CSMD1: variants seen among roughly 807,000 people sequenced by gnomAD.
The protein encoded by CSMD1 is CUB and sushi domain-containing protein 1.
A neutral mutation model predicts 417.5 loss-of-function variants in CSMD1; 213 were observed. That is an observed-to-expected ratio of 0.51 (90% CI 0.46 to 0.57). The LOEUF (loss-of-function observed/expected upper bound fraction) is 0.57, where lower values mean the gene tolerates loss of function less well. CSMD1 is among the 20% of genes least tolerant of loss of function. The probability of loss-of-function intolerance (pLI) is 0.00; values close to 1 mark genes in which losing one functional copy is unlikely to be tolerated. For missense variants in CSMD1, 6,923 were observed against 4,529.7 expected (o/e 1.53, Z -15.17); for synonymous variants, 2,862 against 1,736.8 (o/e 1.65, Z -16.11).
intron 3 of CSMD1, among the ~76,000 whole-genome samples, chr8:4,236,757 T>C (rs1476185279): frequency 1.3e-5 from 2 of 152,300 alleles, no homozygotes; most frequent in Non-Finnish European, 1.5e-5. Flanking sequence ...AAATGGCTTA[T>C]CTCAATACAT....
At chr8:4,343,642 G>C (rs1394832171) in intron 3 of CSMD1, among the ~76,000 whole-genome samples, 1 of 152,080 alleles carries the variant, frequency 6.6e-6, no homozygotes, top group Non-Finnish European at 1.5e-5. Flanking sequence ...AGAGCATGTG[G>C]TCATCTCCTA....
At chr8:4,257,053 T>C (rs1281970494) in intron 3 of CSMD1, among the ~76,000 whole-genome samples, 3 of 152,170 alleles carry the variant, frequency 2.0e-5, no homozygotes, top group African/African-American at 7.2e-5. Context: ...GCCTGTGTCA[T>C]CATTTTAAAA....
At chr8:3,535,961 T>C (rs189604373) in intron 10 of CSMD1, among the ~76,000 whole-genome samples, 1 of 152,128 alleles carries the variant, frequency 6.6e-6, no homozygotes, top group East Asian at 1.9e-4. Context: ...GTTACAGTTA[T>C]ATGACAGAGG....
intron 50 of CSMD1, among the ~76,000 whole-genome samples, chr8:3,034,131 C>G (rs769717819): frequency 6.6e-6 from 1 of 152,202 alleles, no homozygotes; most frequent in Admixed American, 6.5e-5. Flanking sequence ...ATTGATACAC[C>G]TATTTACTCA....
chr8:4,084,333 G>GA (rs56138357), intron 3 of CSMD1, among the ~76,000 whole-genome samples: 218 of 147,066 alleles, frequency 1.5e-3, no homozygotes, highest in East Asian at 6.6e-3. Context: ...TGTTAAAAAA[G>GA]AAAAAAAAAA....
intron 3 of CSMD1, among the ~76,000 whole-genome samples, chr8:4,067,875 G>C (rs912213626): frequency 2.6e-5 from 4 of 152,042 alleles, no homozygotes; most frequent in Admixed American, 2.0e-4. Context: ...TCAAGAGATG[G>C]AGACCATCCT....
At chr8:3,227,125 A>G (rs886579274) in intron 27 of CSMD1, among the ~76,000 whole-genome samples, 18 of 152,220 alleles carry the variant, frequency 1.2e-4, no homozygotes, top group Admixed American at 1.2e-3. Context: ...AATGGGCTGG[A>G]CACGATGGCT....
chr8:4,910,314 CT>C (rs1324873318), intron 1 of CSMD1, among the ~76,000 whole-genome samples: 1 of 152,134 alleles, frequency 6.6e-6, no homozygotes. Flanking sequence ...ACTTTATAAG[CT>C]TTTTCTGTCA....
chr8:3,325,783 C>A (rs564314307), intron 23 of CSMD1, among the ~76,000 whole-genome samples: 151 of 152,264 alleles, frequency 9.9e-4, no homozygotes, highest in African/African-American at 3.6e-3. Context: ...GAGACTGTAC[C>A]ACTGCACTCC....
intron 10 of CSMD1, among the ~76,000 whole-genome samples, chr8:3,497,553 A>G (rs555969906): frequency 6.6e-6 from 1 of 152,128 alleles, no homozygotes; most frequent in Non-Finnish European, 1.5e-5. Flanking sequence ...TACAGGGTCA[A>G]TATACCCAGC....
At chr8:3,400,166 G>A (rs999590312) in intron 15 of CSMD1, among the ~76,000 whole-genome samples, 2 of 152,272 alleles carry the variant, frequency 1.3e-5, no homozygotes, top group East Asian at 3.9e-4. Context: ...ACTGCTCAGT[G>A]AAAGTGATTA....
At position 4,108,024 on chromosome 8, in the gene CSMD1, G is replaced by T. The variant is rs533591771; in HGVS notation, c.416-75925C>A. Among the ~76,000 whole-genome samples the T allele has an allele frequency of 7.3e-5, 11 of 150,388 alleles. 1 individual carries two copies. Among genetic ancestry groups the T allele is most frequent in the Admixed American group, 6.7e-4 (10 of 15,034 alleles). On this transcript the variant is annotated intron_variant, in intron 3 of 69. Coordinates refer to ENST00000635120, the MANE Select transcript of CSMD1 (RefSeq NM_033225.6). ...AAGGGAAAGACAGAAAGACTGCAGG[G>T]GAGAGAGAGAGAGAGAAAGAGAGAC...
chr8:4,417,683 A>T (rs950005035), intron 3 of CSMD1, among the ~76,000 whole-genome samples: 2 of 152,008 alleles, frequency 1.3e-5, no homozygotes, highest in African/African-American at 4.8e-5. Flanking sequence ...CTCCAAAATA[A>T]AAACTAATGG....
intron 3 of CSMD1, among the ~76,000 whole-genome samples, chr8:4,345,961 A>C (rs1800756851): frequency 6.6e-6 from 1 of 152,162 alleles, no homozygotes; most frequent in Admixed American, 6.6e-5. Flanking sequence ...TACGCTCTTC[A>C]TACTGACTAG....
chr8:4,861,999 T>G (rs1211366816), intron 1 of CSMD1, among the ~76,000 whole-genome samples: 1 of 151,944 alleles, frequency 6.6e-6, no homozygotes, highest in Non-Finnish European at 1.5e-5. Context: ...AACATGAAAA[T>G]AAAGTAGGAT....
intron 2 of CSMD1, among the ~76,000 whole-genome samples, chr8:4,630,092 ACACACCAC>A (rs1382625107): frequency 2.3e-4 from 35 of 152,304 alleles, no homozygotes; most frequent in African/African-American, 7.7e-4. Context: ...CTACCGCAAA[ACACACCAC>A]CACAGCATGA....
chr8:3,263,377 G>A (rs1199066537), intron 26 of CSMD1, among the ~76,000 whole-genome samples: 1 of 152,190 alleles, frequency 6.6e-6, no homozygotes, highest in Non-Finnish European at 1.5e-5. Context: ...GGAATTACAG[G>A]CATGAGCCAC....
At chr8:4,301,739 T>G (rs2128873615) in intron 3 of CSMD1, among the ~76,000 whole-genome samples, 1 of 152,342 alleles carries the variant, frequency 6.6e-6, no homozygotes, top group African/African-American at 2.4e-5. Context: ...GGGTTTCATC[T>G]TCACTATCAT....
chr8:4,919,115 T>C (rs996581229), intron 1 of CSMD1, among the ~76,000 whole-genome samples: 3 of 152,238 alleles, frequency 2.0e-5, no homozygotes, highest in Admixed American at 1.3e-4. Context: ...ATGTCATGCC[T>C]TACTTCTATA....
Sources: allele counts gnomAD v4.1 joint callset (sites outside exome capture counted in the v4.1 genomes callset), GRCh38; gene constraint gnomAD v4.1.1; transcripts MANE v1.5; gene names NCBI Gene and HGNC (gene_info 2026-07-23, HGNC 2026-07-21).